PCNX4: variants seen among roughly 807,000 people sequenced by gnomAD.
PCNX4 encodes pecanex 4, also known as pecanex-like protein 4.
A neutral mutation model predicts 107.2 loss-of-function variants in PCNX4; 103 were observed. The observed-to-expected ratio is 0.96, with a 90% CI of 0.82 to 1.13. PCNX4 has a LOEUF of 1.13. Among genes scored for constraint, PCNX4 ranks in the 50% most tolerant of loss-of-function variants. PCNX4 has a pLI of 0.00. For synonymous variants in PCNX4, 541 were observed against 481.7 expected (o/e 1.12, Z -1.61); for missense variants, 1,528 against 1,379.4 (o/e 1.11, Z -1.71).
intron 1 of PCNX4, among the ~76,000 whole-genome samples, chr14:60,102,210 C>A (rs371602474): frequency 1.3e-5 from 2 of 152,194 alleles, no homozygotes; most frequent in East Asian, 3.9e-4. Flanking sequence ...AACAGTAGAT[C>A]TCATGTTAGT....
chr14:60,145,619 A>C lies in PCNX4; in HGVS notation c.*11398A>C, dbSNP rs1354360351. ...AATCCAGGAGGCGGAGGTTGCAGTG[A>C]GCTGAGACTGCGCCATTGCACTCCA... On this transcript the variant is annotated 3_prime_UTR_variant, in exon 11 of 11. Transcript: ENST00000406854. This position sits in a 1 kb window ranked among gnomAD's most constrained non-coding sequence, Gnocchi z 4.0. 1 of 152,174 alleles carries C rather than the reference A, an allele frequency of 6.6e-6. No individual in the cohort carries two copies. The highest frequency in any genetic ancestry group is 1.5e-5 in the Non-Finnish European group (1 of 68,042). The allele number at this position is 152,174 out of a possible 1,614,324, so 9.4% of individuals were successfully genotyped here.
intron 1 of PCNX4, among the ~76,000 whole-genome samples, chr14:60,101,887 A>G (rs1895539089): frequency 6.6e-6 from 1 of 152,250 alleles, no homozygotes; most frequent in Non-Finnish European, 1.5e-5. Flanking sequence ...ACAACGGACT[A>G]TTATTCAGCC....
intron 10 of PCNX4, among the ~76,000 whole-genome samples, chr14:60,131,346 C>T (rs1041133965): frequency 1.3e-5 from 2 of 152,132 alleles, no homozygotes; most frequent in African/African-American, 4.8e-5. Context: ...AAGCTTAGAA[C>T]TGATTAACAA....
At chr14:60,133,894 G>T in intron 10 of PCNX4, 76 bp from the exon 11 acceptor site, 1 of 1,409,604 alleles carries the variant, frequency 7.1e-7, no homozygotes. Flanking sequence ...TTTTCTCTAA[G>T]TTTATGAATA....
At chr14:60,095,610 C>T (rs1467263433) in intron 1 of PCNX4, among the ~76,000 whole-genome samples, 1 of 152,110 alleles carries the variant, frequency 6.6e-6, no homozygotes, top group Non-Finnish European at 1.5e-5. Context: ...CATTTCCCTT[C>T]TTTTTTCTGT....
At chr14:60,127,813 A>G (rs956583377) in intron 10 of PCNX4, among the ~76,000 whole-genome samples, 2 of 152,252 alleles carry the variant, frequency 1.3e-5, no homozygotes, top group Non-Finnish European at 2.9e-5. Flanking sequence ...CAGATTTAAT[A>G]AAAGATTTCA....
At chr14:60,115,865 T>C (rs745565599) in intron 5 of PCNX4, 46 bp downstream of exon 5, 2 of 1,590,280 alleles carry the variant, frequency 1.3e-6, no homozygotes, top group East Asian at 2.2e-5. Context: ...TGCTAAGTTT[T>C]ATTGTAATTT....
rs1420660377 is a variant in PCNX4 at position 60,107,704 on chromosome 14, G to T, written c.66G>T (p.Gln22His). The change falls in exon 2 of 11, where the codon CAG becomes CAT. Residue 22 changes from glutamine (Q) to histidine (H), a missense_variant. By Grantham distance (24) the Gln-to-His change is conservative. Coordinates refer to ENST00000406854, the MANE Select transcript of PCNX4 (RefSeq NM_001330177.2). ...KQDFFLKRFP[Q>H]TVLGGPRFKL... ...ACTTCTTTCTGAAGCGCTTTCCACA[G>T]ACTGTTCTTGGAGGCCCTCGATTCA... 1 of 1,612,792 alleles carries T rather than the reference G, an allele frequency of 6.2e-7. No homozygotes were observed. The highest frequency in any genetic ancestry group is 1.1e-5 in the South Asian group (1 of 91,062).
At position 60,139,681 on chromosome 14, in the gene PCNX4, A is replaced by G. The variant is rs1038047568; in HGVS notation, c.*5460A>G. On this transcript the variant is annotated 3_prime_UTR_variant, in exon 11 of 11. Transcript: ENST00000406854. ...TTCAAATGCAGATAGAATATTTATC[A>G]AAACTGACCATATTCCAAGTCATAG... 6.6e-6 allele frequency: 1 copy of G among 152,166 alleles called. No homozygotes were observed. The highest frequency in any genetic ancestry group is 1.5e-5 in the Non-Finnish European group (1 of 67,974). 9.4% of individuals were successfully genotyped at this position (152,166 alleles called of 1,614,324 possible).
chr14:60,118,348 G>C lies in PCNX4; in HGVS notation c.1598G>C (p.Arg533Pro). 6.2e-7 allele frequency: 1 copy of C among 1,610,866 alleles called. No individual in the cohort carries two copies. The highest frequency in any genetic ancestry group is 8.5e-7 in the Non-Finnish European group (1 of 1,178,066). ...CTACAGGTTGGTATCATACGTGATC[G>C]TTTGATTCAGTTCATCTCTAAATTG... Reference protein sequence around the residue: ...RLLLVGIIRDRLIQFISKLQF... With the variant: ...RLLLVGIIRDPLIQFISKLQF... Residue 533 changes from arginine to proline, a missense_variant, in exon 7 of 11, where the codon CGT (arginine) becomes CCT (proline). Physicochemically the swap from Arg to Pro is moderately radical, Grantham distance 103 (BLOSUM62 -2). Transcript: ENST00000406854.
At chr14:60,101,369 T>C (rs1895528945) in intron 1 of PCNX4, among the ~76,000 whole-genome samples, 1 of 152,220 alleles carries the variant, frequency 6.6e-6, no homozygotes, top group Non-Finnish European at 1.5e-5. Flanking sequence ...TATTTTACAC[T>C]TGTTCGGCTT....
At chr14:60,118,783 C>T (rs1895901550) in intron 7 of PCNX4, 91 bp downstream of exon 7, 2 of 1,337,700 alleles carry the variant, frequency 1.5e-6, no homozygotes, top group Non-Finnish European at 2.0e-6. Flanking sequence ...TTTATCCAAC[C>T]ATAAGATAGC....
chr14:60,113,764 A>G (rs984734304), intron 2 of PCNX4, among the ~76,000 whole-genome samples: 2 of 152,160 alleles, frequency 1.3e-5, no homozygotes, highest in African/African-American at 4.8e-5. Flanking sequence ...TCTCTTTTGA[A>G]TGTTATCTTT....
intron 1 of PCNX4, among the ~76,000 whole-genome samples, chr14:60,105,323 A>G (rs187940155): frequency 6.6e-6 from 1 of 152,348 alleles, no homozygotes; most frequent in Admixed American, 6.5e-5. Flanking sequence ...CATCCTAGGC[A>G]AAGGAGAGAG....
chr14:60,095,673 T>C (rs780052168), intron 1 of PCNX4, among the ~76,000 whole-genome samples: 3 of 152,030 alleles, frequency 2.0e-5, no homozygotes, highest in Non-Finnish European at 4.4e-5. Context: ...TGGCCTCAGG[T>C]TGGTTTTTCC....
chr14:60,097,512 C>T (rs1036363039), intron 1 of PCNX4, among the ~76,000 whole-genome samples: 3 of 152,152 alleles, frequency 2.0e-5, no homozygotes, highest in African/African-American at 7.2e-5. Context: ...AATTATTATC[C>T]TCATAGCAGG....
At position 60,092,706 on chromosome 14, in the gene PCNX4, C is replaced by G. The variant is rs564771540; in HGVS notation, c.-54+287C>G. 8.4e-4 allele frequency among the ~76,000 whole-genome samples: 128 copies of G among 152,272 alleles called. 1 individual carries two copies. Among genetic ancestry groups the G allele is most frequent in the African/African-American group, 3.0e-3 (125 of 41,548 alleles). On this transcript the variant is annotated intron_variant, in intron 1 of 10. Transcript: ENST00000406854. ...CGAAATGGAATATGGCACACCCACC[C>G]GGAGCTGTGTCCGTTAGGTAGAACT...
At chr14:60,095,982 T>G (rs1233360693) in intron 1 of PCNX4, among the ~76,000 whole-genome samples, 1 of 152,154 alleles carries the variant, frequency 6.6e-6, no homozygotes, top group Non-Finnish European at 1.5e-5. Flanking sequence ...TTCAGTTCAT[T>G]GACATATTTG....
chr14:60,134,093 G>T lies in PCNX4; in HGVS notation c.3391G>T (p.Asp1131Tyr), dbSNP rs140771691. Residue 1131 changes from aspartate (D) to tyrosine (Y), a missense_variant, in exon 11 of 11, where the codon GAT (aspartate) becomes TAT (tyrosine). Transcript: ENST00000406854. ...LSWELLYATN[D>Y]DEERYSIQAH... is the part of the protein sequence containing the mutation. Reference sequence around the variant, plus strand: ...ATGGGAATTACTTTATGCCACAAACGATGATGAAGAACGTTATAGTATACA... The same window carrying T: ...ATGGGAATTACTTTATGCCACAAACTATGATGAAGAACGTTATAGTATACA... The T allele has an allele frequency of 6.2e-7, 1 of 1,613,696 alleles. No homozygotes were observed. The highest frequency in any genetic ancestry group is 1.3e-5 in the African/African-American group (1 of 74,884).
Sources: allele counts gnomAD v4.1 joint callset (sites outside exome capture counted in the v4.1 genomes callset), GRCh38; gene constraint gnomAD v4.1.1; non-coding constraint Gnocchi (gnomAD v3.1); transcripts MANE v1.5; gene names NCBI Gene and HGNC (gene_info 2026-07-23, HGNC 2026-07-21).